CDH7: variants seen among roughly 807,000 people sequenced by gnomAD.
The protein encoded by CDH7 is cadherin-7.
CDH7 carries 25 observed loss-of-function variants against 71.8 expected under a neutral mutation model. That is an observed-to-expected ratio of 0.35 (90% confidence interval 0.25 to 0.49). The LOEUF (loss-of-function observed/expected upper bound fraction) is 0.49, where lower values mean the gene tolerates loss of function less well. Among genes scored for constraint, CDH7 ranks in the 20% least tolerant of loss-of-function variants. CDH7 has a pLI of 0.99. For synonymous variants in CDH7, 381 were observed against 363.8 expected (o/e 1.05, Z -0.54); for missense variants, 862 against 974.6 (o/e 0.88, Z 1.54).
chr18:65,759,426 T>A (rs1002061255), intron 1 of CDH7, among the ~76,000 whole-genome samples: 10 of 150,528 alleles, frequency 6.6e-5, no homozygotes, highest in African/African-American at 1.2e-4. Context: ...TTTTTTTTTT[T>A]AATTTTTAGT....
intron 7 of CDH7, among the ~76,000 whole-genome samples, chr18:65,844,734 G>T (rs995276389): frequency 2.6e-5 from 4 of 151,942 alleles, no homozygotes; most frequent in Non-Finnish European, 4.4e-5. Context: ...ACATGTTTTT[G>T]TGTGTATGCA....
chr18:65,864,865 T>A (rs997615810), intron 11 of CDH7, among the ~76,000 whole-genome samples: 1 of 134,294 alleles, frequency 7.4e-6, no homozygotes, highest in Non-Finnish European at 1.5e-5. Context: ...CACTCCAGCC[T>A]GGATGACAGA....
At chr18:65,856,280 T>C (rs550939203) in intron 7 of CDH7, among the ~76,000 whole-genome samples, 20 of 152,162 alleles carry the variant, frequency 1.3e-4, no homozygotes, top group Admixed American at 3.9e-4. Context: ...GATATATTAT[T>C]ATTATGGTTT....
chr18:65,757,169 G>A (rs142863398), intron 1 of CDH7, among the ~76,000 whole-genome samples: 12 of 152,190 alleles, frequency 7.9e-5, no homozygotes, highest in African/African-American at 2.9e-4. Context: ...TCAAGTGGAG[G>A]AGAAATTCCA....
intron 11 of CDH7, among the ~76,000 whole-genome samples, chr18:65,873,037 T>A (rs1354874860): frequency 1.3e-5 from 2 of 152,110 alleles, no homozygotes; most frequent in African/African-American, 4.8e-5. Flanking sequence ...ACAGATTTTT[T>A]AATAAACTTC....
chr18:65,848,336 A>T (rs2144003388), intron 7 of CDH7, among the ~76,000 whole-genome samples: 1 of 152,344 alleles, frequency 6.6e-6, no homozygotes, highest in East Asian at 1.9e-4. Flanking sequence ...GAAAACAAAG[A>T]TAAATAAAAC....
chr18:65,870,293 G>C (rs1321558227), intron 11 of CDH7, among the ~76,000 whole-genome samples: 2 of 152,112 alleles, frequency 1.3e-5, no homozygotes, highest in Non-Finnish European at 2.9e-5. Context: ...TTTTAGCCTT[G>C]TGTTACTGGG....
At chr18:65,763,594 G>GGTGTGTGTGTGT (rs71167145) in intron 2 of CDH7, among the ~76,000 whole-genome samples, 1 of 99,210 alleles carries the variant, frequency 1.0e-5, no homozygotes, top group South Asian at 3.7e-4. Flanking sequence ...TTGATAGGGG[G>GGTGTGTGTGTGT]GTGTGTGTGT....
At chr18:65,799,669 CTG>C (rs1381601106) in intron 2 of CDH7, among the ~76,000 whole-genome samples, 1 of 151,042 alleles carries the variant, frequency 6.6e-6, no homozygotes, top group Non-Finnish European at 1.5e-5. Flanking sequence ...GAGCGAGACT[CTG>C]TGTCAAAAAA....
At chr18:65,859,964 T>A (rs1471780967) in intron 10 of CDH7, 139 bp downstream of exon 10, 1 of 568,366 alleles carries the variant, frequency 1.8e-6, no homozygotes, top group Non-Finnish European at 3.1e-6. Context: ...CCTCAAGTAA[T>A]TTTTATCTAT....
At position 65,773,235 on chromosome 18, in the gene CDH7, T is replaced by C. The variant is rs959394350; in HGVS notation, c.210+10183T>C. On this transcript the variant is annotated intron_variant, in intron 2 of 11. Transcript: ENST00000397968. ...CACCAAAAAGTATAAATTGTATAAT[T>C]TTGGTCCTAAAAGACACATAAATCA... Among the ~76,000 whole-genome samples the C allele has an allele frequency of 1.5e-4, 23 of 152,178 alleles. 1 individual carries two copies. The highest frequency in any genetic ancestry group is 5.9e-5 in the Non-Finnish European group (4 of 68,022).
At chr18:65,863,115 G>GC in intron 11 of CDH7, 198 bp downstream of exon 11, 11 of 608,306 alleles carry the variant, frequency 1.8e-5, no homozygotes, top group Non-Finnish European at 3.1e-5. Context: ...TGGGCTCACT[G>GC]CAGCCTCTGC....
chr18:65,793,682 G>A (rs1038195459), intron 2 of CDH7, among the ~76,000 whole-genome samples: 2 of 152,086 alleles, frequency 1.3e-5, no homozygotes, highest in Non-Finnish European at 1.5e-5. Context: ...GATTGCAAAG[G>A]AGACTTGATT....
intron 11 of CDH7, among the ~76,000 whole-genome samples, chr18:65,870,602 G>A (rs1913900048): frequency 6.6e-6 from 1 of 152,058 alleles, no homozygotes; most frequent in Non-Finnish European, 1.5e-5. Flanking sequence ...TCAACCAGTA[G>A]GAGGACCCAC....
rs1471447909 is a variant in CDH7, at chr18:65,862,646, A to C, written c.1613-20A>C. ...TTCCATCAGAAATCTGGTGTTATAC[A>C]TTTGCTTTCGTTATCCTAGACAACA... On this transcript the variant is annotated intron_variant, in intron 10 of 11. Transcript: ENST00000397968. 15 of 1,610,808 alleles carry C rather than the reference A, an allele frequency of 9.3e-6. No homozygotes were observed. The highest frequency in any genetic ancestry group is 1.3e-5 in the African/African-American group (1 of 75,002).
At chr18:65,768,424 G>A (rs1052263612) in intron 2 of CDH7, among the ~76,000 whole-genome samples, 5 of 151,842 alleles carry the variant, frequency 3.3e-5, no homozygotes, top group African/African-American at 4.8e-5. Context: ...TAGTAGAGAC[G>A]AGGGTTTCAC....
chr18:65,830,565 T>C (rs1912303575), intron 6 of CDH7, among the ~76,000 whole-genome samples: 1 of 149,000 alleles, frequency 6.7e-6, no homozygotes, highest in African/African-American at 2.5e-5. Context: ...TTCCTTCCTC[T>C]CTCTCTCCTT....
intron 2 of CDH7, among the ~76,000 whole-genome samples, chr18:65,804,140 A>G (rs955493326): frequency 2.6e-5 from 4 of 152,146 alleles, no homozygotes; most frequent in Admixed American, 6.5e-5. Context: ...CCTTATGTTT[A>G]TAGATGGTCT....
rs1568181962 is a variant in CDH7, at chr18:65,781,938, CTCTCTCTT to C, written c.210+18910_210+18917del. ...TTTCTCTCTTTCTCTCTCTCTCTCT[CTCTCTCTT>C]TCTCTCTTTCTCTCTTTCTCTCTCT... On this transcript the variant is annotated intron_variant, in intron 2 of 11. Transcript: ENST00000397968. 8.4e-4 allele frequency among the ~76,000 whole-genome samples: 45 copies of C among 53,350 alleles called. 5 individuals carry two copies. The highest frequency in any genetic ancestry group is 3.6e-3 in the African/African-American group (20 of 5,486). 35.0% of individuals were successfully genotyped at this position (53,350 alleles called of 152,430 possible).
Sources: allele counts gnomAD v4.1 joint callset (sites outside exome capture counted in the v4.1 genomes callset), GRCh38; gene constraint gnomAD v4.1.1; transcripts MANE v1.5; gene names NCBI Gene and HGNC (gene_info 2026-07-23, HGNC 2026-07-21).